TSPEAR: variants seen among roughly 807,000 people sequenced by gnomAD.
TSPEAR encodes the protein thrombospondin type laminin G domain and EAR repeats.
A neutral mutation model predicts 71.6 loss-of-function variants in TSPEAR; 69 were observed. That is an observed-to-expected ratio of 0.96 (90% CI 0.79 to 1.18). The LOEUF (loss-of-function observed/expected upper bound fraction) is 1.18. TSPEAR is among the 50% of genes most tolerant of loss of function. TSPEAR has a pLI of 0.00. For synonymous variants in TSPEAR, 402 were observed against 387.2 expected (o/e 1.04, Z -0.45); for missense variants, 971 against 894.9 (o/e 1.09, Z -1.09).
chr21:44,524,699 A>C (rs1184665720), intron 8 of TSPEAR, among the ~76,000 whole-genome samples: 1 of 152,096 alleles, frequency 6.6e-6, no homozygotes, highest in African/African-American at 2.4e-5. Context: ...TCAGCTAGTC[A>C]GTTAATCAGG....
chr21:44,704,431 A>G (rs1987809784), intron 1 of TSPEAR, among the ~76,000 whole-genome samples: 1 of 152,010 alleles, frequency 6.6e-6, no homozygotes, highest in Non-Finnish European at 1.5e-5. Flanking sequence ...GGGAACCCAA[A>G]CCGTGCGGGG....
intron 1 of TSPEAR, among the ~76,000 whole-genome samples, chr21:44,592,746 G>C (rs1163397750): frequency 1.3e-5 from 2 of 152,172 alleles, no homozygotes; most frequent in Non-Finnish European, 2.9e-5. Context: ...TCCCAGCTGG[G>C]TTCGGGGAGC....
chr21:44,666,826 G>A (rs368426900), intron 1 of TSPEAR: 90 of 1,609,242 alleles, frequency 5.6e-5, no homozygotes, highest in Non-Finnish European at 7.4e-5. Context: ...CAGGCTGGCT[G>A]GCAGGGGCTG....
At chr21:44,662,384 G>A (rs73233084) in intron 1 of TSPEAR, among the ~76,000 whole-genome samples, 5,790 of 152,052 alleles carry the variant, frequency 0.038, 124 homozygotes, top group Middle Eastern at 0.085. Flanking sequence ...ATATTACCAA[G>A]GATAAAAAGG....
chr21:44,518,057 T>C (rs781986881), intron 9 of TSPEAR, among the ~76,000 whole-genome samples: 2 of 152,268 alleles, frequency 1.3e-5, no homozygotes, highest in Admixed American at 6.5e-5. Context: ...ATTTCAGTCA[T>C]GTTAATGAAT....
intron 1 of TSPEAR, among the ~76,000 whole-genome samples, chr21:44,616,018 T>C (rs1982069077): frequency 6.6e-6 from 1 of 152,038 alleles, no homozygotes; most frequent in Non-Finnish European, 1.5e-5. Flanking sequence ...CAGTGCCACA[T>C]CCCCCAGCGG....
At chr21:44,502,915 GGAGGAAGCTGGCCTCAGTGAGCCCTC>G (rs2052066479) in intron 11 of TSPEAR, among the ~76,000 whole-genome samples, 2 of 71,070 alleles carry the variant, frequency 2.8e-5, no homozygotes, top group Non-Finnish European at 7.1e-5. Context: ...TAAGGCGCTG[GGAGGAAGCTGGCCTCAGTGAGCCCTC>G]GGGGAAGCAA....
intron 1 of TSPEAR, chr21:44,600,905 G>A (rs369313901): frequency 1.2e-6 from 2 of 1,612,180 alleles, no homozygotes; most frequent in African/African-American, 1.4e-5. Flanking sequence ...CAGTCTAGCT[G>A]CCAGCTGGCT....
chr21:44,519,141 GC>G (rs1251548641), intron 9 of TSPEAR: 1 of 153,268 alleles, frequency 6.5e-6, no homozygotes, highest in Non-Finnish European at 1.5e-5. Context: ...CCATTCTCCT[GC>G]CTCAGCCTCC....
chr21:44,580,577 A>C, intron 1 of TSPEAR: 1 of 1,607,384 alleles, frequency 6.2e-7, no homozygotes, highest in South Asian at 1.1e-5. Context: ...GCACGCGGCC[A>C]TGCTGGGGTG....
At chr21:44,639,645 C>T (rs1569235082) in intron 1 of TSPEAR, among the ~76,000 whole-genome samples, 2 of 152,206 alleles carry the variant, frequency 1.3e-5, no homozygotes, top group African/African-American at 2.4e-5. Context: ...TGGCAGGGGC[C>T]GAGCCTTCAT....
At chr21:44,666,319 T>C in intron 1 of TSPEAR, 2 of 1,141,576 alleles carry the variant, frequency 1.8e-6, no homozygotes, top group Non-Finnish European at 2.5e-6. Flanking sequence ...CAATCCAGAA[T>C]TCAGAGGGTT....
chr21:44,560,238 G>A (rs1488714861), intron 2 of TSPEAR, among the ~76,000 whole-genome samples: 1 of 152,028 alleles, frequency 6.6e-6, no homozygotes. Context: ...AGACAAAGAA[G>A]GGCATTACAT....
In TSPEAR at chr21:44,702,752, C is replaced by G. The variant is rs1285659024; in HGVS notation, c.82+8681G>C. On this transcript the variant is annotated intron_variant, in intron 1 of 11. Coordinates refer to ENST00000323084, the MANE Select transcript of TSPEAR (RefSeq NM_144991.3). ...TCCCTCCTCTGCCGCCGTGTGTGCT[C>G]CCACCTGGCCTGCTGAGGCCTCTGC... The G allele has an allele frequency of 4.3e-6, 6 of 1,384,960 alleles. No individual in the cohort carries two copies. In the Admixed American group the frequency reaches 6.8e-5, roughly 16 times the overall value. 85.8% of individuals were successfully genotyped at this position (1,384,960 alleles called of 1,614,324 possible).
chr21:44,537,691 C>G (rs2053112266), intron 2 of TSPEAR, among the ~76,000 whole-genome samples: 2 of 152,066 alleles, frequency 1.3e-5, no homozygotes, highest in African/African-American at 2.4e-5. Flanking sequence ...AAACCAATAT[C>G]AGCAAAATTA....
chr21:44,599,704 A>T (rs1980646760), intron 1 of TSPEAR, among the ~76,000 whole-genome samples: 1 of 152,266 alleles, frequency 6.6e-6, no homozygotes, highest in Non-Finnish European at 1.5e-5. Context: ...ACAACCAAAA[A>T]GATGTGGTGG....
At chr21:44,530,460 C>T (rs1381990225) in intron 4 of TSPEAR, among the ~76,000 whole-genome samples, 1 of 151,924 alleles carries the variant, frequency 6.6e-6, no homozygotes, top group Non-Finnish European at 1.5e-5. Context: ...TCTCTCCACG[C>T]ATCCATCCCT....
At chr21:44,508,477 C>T (rs2052260164) in intron 10 of TSPEAR, 1 of 1,024,560 alleles carries the variant, frequency 9.8e-7, no homozygotes, top group African/African-American at 1.7e-5. Context: ...CAAGCTTGAC[C>T]CATGGCCCCT....
At chr21:44,654,459 T>C (rs1555942134) in intron 1 of TSPEAR, 5 of 1,613,822 alleles carry the variant, frequency 3.1e-6, no homozygotes, top group East Asian at 2.2e-5. Context: ...AGCAGGTGGA[T>C]ACCCCACACA....
Sources: allele counts gnomAD v4.1 joint callset (sites outside exome capture counted in the v4.1 genomes callset), GRCh38; gene constraint gnomAD v4.1.1; transcripts MANE v1.5; gene names NCBI Gene and HGNC (gene_info 2026-07-23, HGNC 2026-07-21).